DACH1: variants seen among roughly 807,000 people sequenced by gnomAD.
The protein encoded by DACH1 is dachshund homolog 1.
In DACH1, 12 loss-of-function variants were observed where a neutral mutation model predicts 54.2. That is an observed-to-expected ratio of 0.22 (90% confidence interval 0.14 to 0.36). The LOEUF is 0.36. Ranked by LOEUF, DACH1 falls within the 10% of genes least tolerant of loss-of-function variation. DACH1 has a pLI of 1.00. For synonymous variants in DACH1, 386 were observed against 366.2 expected, an observed-to-expected ratio of 1.05 and a Z score of -0.62; for missense variants, 805 against 929.8, an observed-to-expected ratio of 0.87 and a Z score of 1.75.
Position 71,665,281 on chromosome 13 carries a change from A to T in DACH1, c.964+16514T>A, listed in dbSNP as rs577020493. Among the ~76,000 whole-genome samples the T allele has an allele frequency of 2.6e-4, 39 of 152,186 alleles. 3 individuals are homozygous for T. In the South Asian group the frequency reaches 7.7e-3, roughly 30 times the overall value. The stretch of plus-strand genomic sequence containing the variant: ...ATAAAGTAATAGCTAAGTTAGAACT[A>T]AAATTCAAACATAATGGAATATTAA... On this transcript the variant is annotated intron_variant, in intron 2 of 10. Coordinates refer to ENST00000613252, the MANE Select transcript of DACH1 (RefSeq NM_080759.6).
chr13:71,781,772 A>G (rs1886393846), intron 1 of DACH1, among the ~76,000 whole-genome samples: 1 of 152,176 alleles, frequency 6.6e-6, no homozygotes, highest in African/African-American at 2.4e-5. Flanking sequence ...CATGTGGTTC[A>G]AAGATCACTC....
At chr13:71,846,006 C>A in intron 1 of DACH1, 1 of 169,754 alleles carries the variant, frequency 5.9e-6, no homozygotes. Context: ...TGGTCGAAGG[C>A]CATTTTTTTT....
At chr13:71,520,618 T>C (rs1347289675) in intron 6 of DACH1, among the ~76,000 whole-genome samples, 6 of 151,530 alleles carry the variant, frequency 4.0e-5, no homozygotes, top group Non-Finnish European at 7.4e-5. Context: ...GATTGAACTA[T>C]ACACACAAAA....
intron 1 of DACH1, among the ~76,000 whole-genome samples, chr13:71,755,502 T>G (rs571053101): frequency 2.0e-5 from 3 of 152,324 alleles, no homozygotes; most frequent in Admixed American, 2.0e-4. Flanking sequence ...AAGATTATTG[T>G]TAGAGCTAGG....
At chr13:71,633,314 ACAT>A (rs1050231092) in intron 2 of DACH1, among the ~76,000 whole-genome samples, 1 of 152,192 alleles carries the variant, frequency 6.6e-6, no homozygotes, top group Admixed American at 6.5e-5. Context: ...GAGGAATGCC[ACAT>A]CATGTTTAGT....
rs543871084 is a variant in DACH1, at chr13:71,696,439, T to C, written c.849-14529A>G. Among the ~76,000 whole-genome samples the C allele has an allele frequency of 9.2e-5, 14 of 152,328 alleles. No homozygotes were observed. The East Asian group carries it at 2.7e-3, about 29-fold the overall frequency. On this transcript the variant is annotated intron_variant, in intron 1 of 10. Coordinates refer to ENST00000613252, the MANE Select transcript of DACH1 (RefSeq NM_080759.6). The stretch of plus-strand genomic sequence containing the variant: ...ACTGCTAAAGAAGTAGGACCAGGCC[T>C]GTCTGTGCAAAAGTCCATGCTAAAT...
rs764422040 is a variant in DACH1 at position 71,865,957 on chromosome 13, G to A, written c.813C>T (p.Asp271=). 6.2e-7 allele frequency: 1 copy of A among 1,613,750 alleles called. No homozygotes were observed. The highest frequency in any genetic ancestry group is 8.5e-7 in the Non-Finnish European group (1 of 1,179,918). Residue 271 remains aspartate, a synonymous_variant, in exon 1 of 11, where the codon GAC becomes GAT. Transcript: ENST00000613252. ...TGCAGTCATTGTAGAGGGTCTCGAA[G>A]TCCTTCCTGGAGATGAGTTTGCAGC... is the stretch of plus-strand genomic sequence containing the variant. The part of the protein sequence containing the change: ...VNRCKLISRK[D]FETLYNDCTN...
Position 71,866,416 on chromosome 13 carries a change from G to C in DACH1, c.354C>G (p.Gly118=). The C allele has an allele frequency of 7.0e-7, 1 of 1,425,978 alleles. No individual in the cohort carries two copies. Among genetic ancestry groups the C allele is most frequent in the Non-Finnish European group, 9.2e-7 (1 of 1,083,530 alleles). 88.3% of individuals were successfully genotyped at this position (1,425,978 alleles called of 1,614,324 possible). ...CGCCGCCAGCGCTGATGCCGCCGCC[G>C]CCGCCGCCGCTGCCGTTGCTCGCGG... ...LAAASNGSGG[G]GGGISAGGGV... is the part of the protein sequence containing the mutation. The change falls in exon 1 of 11, where the codon GGC becomes GGG. Residue 118 remains glycine (G), a synonymous_variant. Transcript: ENST00000613252.
At chr13:71,492,755 G>T (rs893428532) in intron 6 of DACH1, among the ~76,000 whole-genome samples, 6 of 151,506 alleles carry the variant, frequency 4.0e-5, no homozygotes, top group African/African-American at 1.5e-4. Flanking sequence ...GTGTGTGTGT[G>T]TGTGTGAGTG....
At position 71,866,887 on chromosome 13, in the gene DACH1, G is replaced by A. The variant is rs45452597; in HGVS notation, c.-118C>T. ...GAGCGAGGGGGGCAACAACAACTCC[G>A]GGAGAGAACGAGAAGGAGAAAGGGA... is the stretch of plus-strand genomic sequence containing the variant. On this transcript the variant is annotated 5_prime_UTR_variant, in exon 1 of 11. Coordinates refer to ENST00000613252, the MANE Select transcript of DACH1 (RefSeq NM_080759.6). 0.059 allele frequency: 43,170 copies of A among 731,688 alleles called. 1,709 individuals are homozygous for A. Among genetic ancestry groups the A allele is most frequent in the Non-Finnish European group, 0.065 (34,394 of 532,482 alleles). 45.3% of individuals were successfully genotyped at this position (731,688 alleles called of 1,614,324 possible). A position where few individuals can be genotyped will look rare whatever the true frequency, so the allele number is the denominator to read the frequency against.
chr13:71,851,160 C>T (rs1873634204), intron 1 of DACH1, among the ~76,000 whole-genome samples: 1 of 152,164 alleles, frequency 6.6e-6, no homozygotes, highest in African/African-American at 2.4e-5. Flanking sequence ...TCTCATCAGA[C>T]ATTTGCTGTT....
At chr13:71,463,312 G>T (rs1876266764) in intron 10 of DACH1, among the ~76,000 whole-genome samples, 1 of 151,854 alleles carries the variant, frequency 6.6e-6, no homozygotes, top group African/African-American at 2.4e-5. Context: ...AACGTCTTGA[G>T]AAAAATGCAA....
intron 3 of DACH1, among the ~76,000 whole-genome samples, chr13:71,618,451 T>A (rs1233196236): frequency 6.6e-6 from 1 of 152,104 alleles, no homozygotes; most frequent in Non-Finnish European, 1.5e-5. Context: ...AATTAGAAGT[T>A]AAAGTCTTTC....
intron 3 of DACH1, among the ~76,000 whole-genome samples, chr13:71,591,051 G>C (rs1391908150): frequency 6.6e-6 from 1 of 151,396 alleles, no homozygotes; most frequent in African/African-American, 2.4e-5. Flanking sequence ...GCTAATTTTT[G>C]TATTTTTAGT....
At chr13:71,524,562 G>A (rs1881825135) in intron 6 of DACH1, among the ~76,000 whole-genome samples, 1 of 152,070 alleles carries the variant, frequency 6.6e-6, no homozygotes, top group Non-Finnish European at 1.5e-5. Context: ...CCATTTTGTA[G>A]CTCAAGCTGA....
At chr13:71,795,131 A>T (rs1233856759) in intron 1 of DACH1, among the ~76,000 whole-genome samples, 1 of 152,162 alleles carries the variant, frequency 6.6e-6, no homozygotes, top group African/African-American at 2.4e-5. Context: ...TTAGAAGCTC[A>T]TATCTAGATT....
At chr13:71,827,278 C>T (rs1888417666) in intron 1 of DACH1, among the ~76,000 whole-genome samples, 1 of 151,984 alleles carries the variant, frequency 6.6e-6, no homozygotes, top group South Asian at 2.1e-4. Flanking sequence ...GGGGCTGAAT[C>T]GCCAACCTAC....
intron 1 of DACH1, among the ~76,000 whole-genome samples, chr13:71,797,998 ATTTTTAAACTCCACTT>A (rs1887125797): frequency 6.6e-6 from 1 of 152,054 alleles, no homozygotes; most frequent in Non-Finnish European, 1.5e-5. Flanking sequence ...AGTTGCTCCG[ATTTTTAAACTCCACTT>A]TAAGTCCCCA....
At chr13:71,739,593 A>G (rs576081319) in intron 1 of DACH1, among the ~76,000 whole-genome samples, 1 of 152,218 alleles carries the variant, frequency 6.6e-6, no homozygotes, top group East Asian at 1.9e-4. Flanking sequence ...AGTTTGCACT[A>G]TCTACCTTTC....
Sources: allele counts gnomAD v4.1 joint callset (sites outside exome capture counted in the v4.1 genomes callset), GRCh38; gene constraint gnomAD v4.1.1; transcripts MANE v1.5; gene names NCBI Gene and HGNC (gene_info 2026-07-23, HGNC 2026-07-21).